The following TBC1D19 variants were observed in gnomAD, a reference collection of about 807,000 sequenced individuals.
TBC1D19 encodes the protein TBC1 domain family member 19, also known as TBC1 domain family, member 19.
A neutral mutation model predicts 89.0 loss-of-function variants in TBC1D19; 60 were observed. That is an observed-to-expected ratio of 0.67 (90% CI 0.55 to 0.84). The LOEUF is 0.84. Ranked by LOEUF, TBC1D19 falls within the 40% of genes least tolerant of loss-of-function variation. The probability of loss-of-function intolerance (pLI) is 0.00; values close to 1 mark genes in which losing one functional copy is unlikely to be tolerated. For missense variants in TBC1D19, 500 were observed against 610.8 expected, an observed-to-expected ratio of 0.82 and a Z score of 1.91; for synonymous variants, 189 against 199.7, an observed-to-expected ratio of 0.95 and a Z score of 0.45.
chr4:26,652,834 G>T (rs1227576853), intron 7 of TBC1D19, among the ~76,000 whole-genome samples: 2 of 151,966 alleles, frequency 1.3e-5, no homozygotes, highest in African/African-American at 2.4e-5. Flanking sequence ...GGATTCATTG[G>T]TTTTTTGAAG....
intron 7 of TBC1D19, among the ~76,000 whole-genome samples, chr4:26,658,351 C>T (rs1471098741): frequency 6.6e-6 from 1 of 152,166 alleles, no homozygotes; most frequent in Non-Finnish European, 1.5e-5. Context: ...GCAATCTTTT[C>T]CCCATTGCTT....
At chr4:26,811,170 C>T in the TBC1D19 span, among the ~76,000 whole-genome samples, 1 of 152,216 alleles carries the variant, frequency 6.6e-6, no homozygotes, top group South Asian at 2.1e-4. Flanking sequence ...GAATACTATG[C>T]AGCCATAAAA....
At chr4:26,781,936 TA>T in the TBC1D19 span, among the ~76,000 whole-genome samples, 151,504 of 152,234 alleles carry the variant, frequency 1, 75,398 homozygotes, top group Middle Eastern at 1. Flanking sequence ...TATCTGCTTA[TA>T]AAAAAAATAT....
intron 10 of TBC1D19, among the ~76,000 whole-genome samples, chr4:26,673,446 T>TATACACACACACACACACACAC (rs373807642): frequency 7.7e-5 from 7 of 90,884 alleles, no homozygotes; most frequent in African/African-American, 2.6e-4. Flanking sequence ...TATATATATA[T>TATACACACACACACACACACAC]ACACACACAC....
At chr4:26,828,610 GTGGGCTCGGGAGCACC>G in the TBC1D19 span, among the ~76,000 whole-genome samples, 1 of 152,246 alleles carries the variant, frequency 6.6e-6, no homozygotes, top group Non-Finnish European at 1.5e-5. Context: ...GGTTGAGAGT[GTGGGCTCGGGAGCACC>G]CCCATCTTCA....
chr4:26,588,171 G>A (rs370777709), intron 1 of TBC1D19, among the ~76,000 whole-genome samples: 2 of 151,814 alleles, frequency 1.3e-5, no homozygotes, highest in Admixed American at 6.6e-5. Context: ...GACTACAGGC[G>A]CCTGCCACCA....
chr4:26,850,897 A>G, the TBC1D19 span, among the ~76,000 whole-genome samples: 3 of 152,134 alleles, frequency 2.0e-5, no homozygotes, highest in Non-Finnish European at 4.4e-5. Context: ...GTGTTTCTGG[A>G]GGAGACTGGT....
intron 4 of TBC1D19, among the ~76,000 whole-genome samples, chr4:26,623,455 A>G (rs1053506122): frequency 6.6e-6 from 1 of 151,900 alleles, no homozygotes; most frequent in African/African-American, 2.4e-5. Flanking sequence ...CCTCTGTCTC[A>G]CTCATTTTAA....
the TBC1D19 span, among the ~76,000 whole-genome samples, chr4:26,803,784 C>A: frequency 6.6e-6 from 1 of 151,920 alleles, no homozygotes; most frequent in South Asian, 2.1e-4. Flanking sequence ...GGGTTTCTGG[C>A]AGAACAAGGA....
intron 15 of TBC1D19, among the ~76,000 whole-genome samples, chr4:26,734,720 G>T (rs1236239589): frequency 3.3e-5 from 5 of 152,098 alleles, no homozygotes; most frequent in Non-Finnish European, 7.4e-5. Context: ...GCCTTGAAAA[G>T]CTCACTTATC....
chr4:26,736,933 T>C (rs1015418272), intron 16 of TBC1D19, among the ~76,000 whole-genome samples: 3 of 152,222 alleles, frequency 2.0e-5, no homozygotes, highest in Non-Finnish European at 4.4e-5. Flanking sequence ...CTCTACACTT[T>C]AATGCCACTT....
the TBC1D19 span, among the ~76,000 whole-genome samples, chr4:26,826,907 A>T: frequency 6.6e-6 from 1 of 152,082 alleles, no homozygotes; most frequent in Non-Finnish European, 1.5e-5. Context: ...ACCGGAAAGA[A>T]CCTCCCAGCC....
chr4:26,737,265 C>T (rs1718105389), intron 16 of TBC1D19, among the ~76,000 whole-genome samples: 1 of 152,010 alleles, frequency 6.6e-6, no homozygotes, highest in African/African-American at 2.4e-5. Flanking sequence ...TAACATAATA[C>T]ATAATGTTAT....
At chr4:26,819,505 A>G in the TBC1D19 span, among the ~76,000 whole-genome samples, 1 of 152,326 alleles carries the variant, frequency 6.6e-6, no homozygotes, top group Admixed American at 6.5e-5. Flanking sequence ...TCTCTACCAC[A>G]TATACCCTGG....
chr4:26,723,780 G>T (rs1403002665), intron 15 of TBC1D19, among the ~76,000 whole-genome samples: 1 of 152,160 alleles, frequency 6.6e-6, no homozygotes, highest in Admixed American at 6.5e-5. Flanking sequence ...GGTCACTGTT[G>T]TAGGAGGGTG....
intron 13 of TBC1D19, among the ~76,000 whole-genome samples, chr4:26,699,793 C>G (rs983067576): frequency 3.9e-4 from 55 of 142,390 alleles, no homozygotes; most frequent in African/African-American, 1.2e-3. Flanking sequence ...TGTTCTCACT[C>G]TTAGGTGGTA....
the TBC1D19 span, among the ~76,000 whole-genome samples, chr4:26,801,135 T>A: frequency 6.6e-6 from 1 of 152,214 alleles, no homozygotes; most frequent in Non-Finnish European, 1.5e-5. Flanking sequence ...GTTTTTATGG[T>A]TTTAGGACTA....
the TBC1D19 span, among the ~76,000 whole-genome samples, chr4:26,844,735 G>C: frequency 6.6e-6 from 1 of 151,728 alleles, no homozygotes; most frequent in Non-Finnish European, 1.5e-5. Flanking sequence ...TTTTTCCTTT[G>C]CTGTCAGCTA....
chr4:26,838,261 C>T, the TBC1D19 span, among the ~76,000 whole-genome samples: 1 of 152,156 alleles, frequency 6.6e-6, no homozygotes, highest in East Asian at 1.9e-4. Flanking sequence ...GAAGCTGGCT[C>T]ACTGACTTGC....
Sources: allele counts gnomAD v4.1 joint callset (sites outside exome capture counted in the v4.1 genomes callset), GRCh38; gene constraint gnomAD v4.1.1; transcripts MANE v1.5; gene names NCBI Gene and HGNC (gene_info 2026-07-23, HGNC 2026-07-21).